Variants in ITGA1 observed in about 807,000 individuals in gnomAD.
ITGA1 encodes integrin subunit alpha 1, also known as integrin alpha-1.
A neutral mutation model predicts 145.9 loss-of-function variants in ITGA1; 85 were observed. The ratio of observed to expected loss-of-function variants is 0.58; its 90% CI spans 0.49 to 0.70. The LOEUF (loss-of-function observed/expected upper bound fraction) is 0.70, where lower values mean the gene tolerates loss of function less well. ITGA1 is among the 30% of genes least tolerant of loss of function. The pLI, the probability that ITGA1 is intolerant of heterozygous loss-of-function variation, is 0.00. For synonymous variants in ITGA1, 520 were observed against 495.3 expected, an observed-to-expected ratio of 1.05 and a Z score of -0.66; for missense variants, 1,351 against 1,418.7, an observed-to-expected ratio of 0.95 and a Z score of 0.77.
chr5:52,920,005 GT>G (rs1402770437), intron 16 of ITGA1, among the ~76,000 whole-genome samples: 1 of 152,092 alleles, frequency 6.6e-6, no homozygotes, highest in African/African-American at 2.4e-5. Flanking sequence ...TAAAAAGAAT[GT>G]TTTAAGTGAA....
At chr5:52,931,555 G>T (rs1455186808) in intron 21 of ITGA1, 1 of 152,204 alleles carries the variant, frequency 6.6e-6, no homozygotes, top group East Asian at 1.9e-4. Flanking sequence ...TACTTAGTAT[G>T]GAAAGACTAT....
intron 6 of ITGA1, among the ~76,000 whole-genome samples, 175 bp from the exon 7 acceptor site, chr5:52,881,697 AC>A (rs1749962377): frequency 6.6e-6 from 1 of 152,346 alleles, no homozygotes; most frequent in East Asian, 1.9e-4. Flanking sequence ...TGTTCTTTGG[AC>A]TACGAACAGT....
At chr5:52,854,167 C>A (rs1050136362) in intron 2 of ITGA1, among the ~76,000 whole-genome samples, 2 of 152,114 alleles carry the variant, frequency 1.3e-5, no homozygotes, top group Non-Finnish European at 2.9e-5. Context: ...ATCTTGACTT[C>A]ATGCCTTTTC....
At chr5:52,903,036 G>A (rs776981337) in intron 11 of ITGA1, 4 of 151,532 alleles carry the variant, frequency 2.6e-5, no homozygotes, top group Admixed American at 6.6e-5. Flanking sequence ...TAGTAACTAC[G>A]CTAACTGGTA....
chr5:52,867,765 A>G (rs145409982), intron 6 of ITGA1, among the ~76,000 whole-genome samples: 1 of 152,172 alleles, frequency 6.6e-6, no homozygotes, highest in African/African-American at 2.4e-5. Context: ...ACGAGAGGCT[A>G]ACTGATTTGT....
chr5:52,860,233 T>A (rs1749576838), intron 2 of ITGA1, among the ~76,000 whole-genome samples: 5 of 152,240 alleles, frequency 3.3e-5, no homozygotes, highest in Admixed American at 3.3e-4. Context: ...ACTTTTTATA[T>A]CTTGACTAAA....
intron 14 of ITGA1, among the ~76,000 whole-genome samples, chr5:52,911,836 T>C (rs1750548956): frequency 7.2e-6 from 1 of 137,958 alleles, no homozygotes; most frequent in Non-Finnish European, 1.5e-5. Flanking sequence ...ATATACTATA[T>C]ATGGTGTATC....
intron 28 of ITGA1, 80 bp downstream of exon 28, chr5:52,947,541 T>A: frequency 1.2e-6 from 1 of 803,020 alleles, no homozygotes; most frequent in Non-Finnish European, 2.2e-6. Context: ...ATATTCAGAC[T>A]ATGTAATATA....
At chr5:52,869,647 G>A (rs1034980852) in intron 6 of ITGA1, among the ~76,000 whole-genome samples, 2 of 152,136 alleles carry the variant, frequency 1.3e-5, no homozygotes, top group Non-Finnish European at 2.9e-5. Flanking sequence ...GGTTTACTGT[G>A]GCACAGTAAG....
intron 22 of ITGA1, chr5:52,932,971 A>G (rs1579727336): frequency 6.9e-6 from 1 of 145,924 alleles, no homozygotes; most frequent in East Asian, 2.0e-4. Flanking sequence ...ACCATTTCAC[A>G]TGCTTTTTTT....
In ITGA1 at chr5:52,924,784, G is replaced by T. The variant is rs564629915; in HGVS notation, c.2404-494G>T. Among the ~76,000 whole-genome samples, 16 of 152,290 alleles carry T rather than the reference G, an allele frequency of 1.1e-4. No homozygotes were observed. The South Asian group carries it at 3.3e-3, about 32-fold the overall frequency. On this transcript the variant is annotated intron_variant, in intron 18 of 28. Coordinates refer to ENST00000282588, the MANE Select transcript of ITGA1 (RefSeq NM_181501.2). The stretch of plus-strand genomic sequence containing the variant: ...AGATATTTAGAAGAGGAGTAGAATG[G>T]ACAGGGCTTGGTGAGTTACATATGG...
At chr5:52,813,515 G>T (rs1406440121) in intron 1 of ITGA1, among the ~76,000 whole-genome samples, 1 of 152,184 alleles carries the variant, frequency 6.6e-6, no homozygotes, top group African/African-American at 2.4e-5. Context: ...AAGAGGCTCA[G>T]ATAGGAACAA....
rs541259599 is a variant in ITGA1 at position 52,911,049 on chromosome 5, T to C, written c.1857+630T>C. The stretch of plus-strand genomic sequence containing the variant: ...GTATGTATACTGTATATACTATATA[T>C]ACTATACATAGTGTATATAGTGTAT... On this transcript the variant is annotated intron_variant, in intron 14 of 28. Transcript: ENST00000282588. Among the ~76,000 whole-genome samples the C allele has an allele frequency of 7.1e-4, 5 of 7,006 alleles. No individual in the cohort carries two copies. The South Asian group carries it at 7.6e-3, about 11-fold the overall frequency. The allele number at this position is 7,006 out of a possible 152,430, so 4.6% of individuals were successfully genotyped here. A position where few individuals can be genotyped will look rare whatever the true frequency, so the allele number is the denominator to read the frequency against.
intron 12 of ITGA1, 66 bp downstream of exon 12, chr5:52,905,974 ATTG>A: frequency 7.0e-7 from 1 of 1,427,976 alleles, no homozygotes; most frequent in Non-Finnish European, 9.6e-7. Flanking sequence ...TTTACTGTCT[ATTG>A]TCCTAAACTT....
At chr5:52,810,754 C>T (rs940840313) in intron 1 of ITGA1, among the ~76,000 whole-genome samples, 2 of 75,686 alleles carry the variant, frequency 2.6e-5, no homozygotes, top group Non-Finnish European at 5.4e-5. Flanking sequence ...TTATCTAAAA[C>T]TTAATAGAGC....
Position 52,915,562 on chromosome 5 carries a change from T to C in ITGA1, c.1956T>C (p.Thr652=), listed in dbSNP as rs201791034. The C allele has an allele frequency of 1.3e-4, 216 of 1,614,090 alleles. 3 individuals are homozygous for C. In the Admixed American group the frequency reaches 3.5e-3, roughly 27 times the overall value. Residue 652 remains threonine, a synonymous_variant, in exon 15 of 29, where the codon ACT becomes ACC. Transcript: ENST00000282588. ...ATGGTGACGGTCTGACAGATGTGAC[T>C]ATTGGGGGCCTTGGTGGTGCTGCCC... ...DLNGDGLTDV[T]IGGLGGAALF...
Position 52,908,951 on chromosome 5 carries a change from T to C in ITGA1, c.1509T>C (p.Ser503=). ...ILTTTDIDKD[S]NTDILLVGAP... ...CAACAACTGACATTGACAAGGATTC[T>C]AATACTGACATTCTTCTAGTCGGAG... is the stretch of plus-strand genomic sequence containing the variant. The change falls in exon 13 of 29, where the codon TCT becomes TCC. Residue 503 remains serine (S), a synonymous_variant. Coordinates refer to ENST00000282588, the MANE Select transcript of ITGA1 (RefSeq NM_181501.2). 1.2e-6 allele frequency: 2 copies of C among 1,613,914 alleles called. No individual in the cohort carries two copies. Among genetic ancestry groups the C allele is most frequent in the Non-Finnish European group, 8.5e-7 (1 of 1,179,856 alleles).
intron 8 of ITGA1, among the ~76,000 whole-genome samples, chr5:52,892,529 C>G (rs1750166774): frequency 6.6e-6 from 1 of 152,138 alleles, no homozygotes; most frequent in Non-Finnish European, 1.5e-5. Context: ...AAATATATGT[C>G]TATTACAGAG....
chr5:52,839,609 T>C lies in ITGA1; in HGVS notation c.62-9756T>C, dbSNP rs529552500. On this transcript the variant is annotated intron_variant, in intron 1 of 28. Transcript: ENST00000282588. The stretch of plus-strand genomic sequence containing the variant: ...AAAAGTTGTACCTTTATTAGCAGGT[T>C]CTTTTAAATGAATTTTATTAATTAA... 2.6e-5 allele frequency among the ~76,000 whole-genome samples: 4 copies of C among 152,300 alleles called. No homozygotes were observed. In the East Asian group the frequency reaches 7.7e-4, roughly 29 times the overall value.
Sources: gnomAD v4.1 joint callset for allele counts (sites outside exome capture counted in the v4.1 genomes callset) on GRCh38, gnomAD v4.1.1 for gene constraint, MANE v1.5 for transcripts, NCBI Gene and HGNC (gene_info 2026-07-23, HGNC 2026-07-21) for gene names.